Variants in TAF1 observed in about 807,000 individuals in gnomAD.
TAF1 encodes transcription initiation factor TFIID subunit 1.
Under a neutral mutation model 138.5 loss-of-function variants are expected in TAF1, and 2 were observed. That is an observed-to-expected ratio of 0.01 (90% CI 0.01 to 0.05). The LOEUF is 0.05. Ranked by LOEUF, TAF1 falls within the 10% of genes least tolerant of loss-of-function variation. The probability of loss-of-function intolerance (pLI) is 1.00; values close to 1 mark genes in which losing one functional copy is unlikely to be tolerated. For synonymous variants in TAF1, 437 were observed against 503.2 expected (o/e 0.87, Z 1.76); for missense variants, 709 against 1,478.0 (o/e 0.48, Z 8.53).
At chrX:71,406,575 G>T in intron 25 of TAF1, 63 bp from the exon 26 acceptor site, 1 of 1,073,929 alleles carries the variant, frequency 9.3e-7, no homozygotes, top group Non-Finnish European at 1.3e-6. Context: ...AATTATAGTT[G>T]CTTTTTTTCC....
rs1460022575 is a variant in TAF1 at position 71,397,557 on chromosome X, A to G, written c.3620+91A>G. ...GAGTGCAGCGGCGTGATCTTGGCTCATTGCAACCTCCATCTCTCAGGTTCA... is the reference window on the plus strand; with the variant it reads ...GAGTGCAGCGGCGTGATCTTGGCTCGTTGCAACCTCCATCTCTCAGGTTCA... On this transcript the variant is annotated intron_variant, in intron 23 of 37. Transcript: ENST00000423759. 9 of 1,010,634 alleles carry G rather than the reference A, an allele frequency of 8.9e-6. No homozygotes were observed. The African/African-American group carries it at 9.3e-5, about 10-fold the overall frequency. 83.3% of individuals were successfully genotyped at this position (1,010,634 alleles called of 1,213,427 possible).
At chrX:71,470,059 A>T (rs1290379273), downstream of TAF1, among the ~76,000 whole-genome samples, 1 of 111,873 alleles carries the variant, frequency 8.9e-6, no homozygotes, top group Non-Finnish European at 1.9e-5. Context: ...TCTAGTTTTG[A>T]AAAATTATAT....
At chrX:71,452,172 C>T (rs755121943) in intron 32 of TAF1, among the ~76,000 whole-genome samples, 1 of 108,929 alleles carries the variant, frequency 9.2e-6, no homozygotes, top group East Asian at 3.0e-4. Flanking sequence ...ACCCCCCCAC[C>T]TCCCTCCTGG....
chrX:71,460,585 A>T lies in TAF1; in HGVS notation c.5222-41A>T, dbSNP rs776674089. 3.3e-6 allele frequency: 4 copies of T among 1,196,323 alleles called. No homozygotes were observed. The South Asian group carries it at 7.3e-5, about 22-fold the overall frequency. Reference sequence around the variant, plus strand: ...GCCAAAGATCAAGTTAAATCTGTCAAGCTTAACTCTTGATGACCCAGAATC... The same window carrying T: ...GCCAAAGATCAAGTTAAATCTGTCATGCTTAACTCTTGATGACCCAGAATC... On this transcript the variant is annotated intron_variant, in intron 36 of 37. Coordinates refer to ENST00000423759, the MANE Select transcript of TAF1 (RefSeq NM_004606.5).
intron 32 of TAF1, among the ~76,000 whole-genome samples, chrX:71,439,345 C>T (rs778495185): frequency 2.7e-5 from 3 of 111,383 alleles, no homozygotes; most frequent in South Asian, 7.6e-4. Context: ...TCCAGTATGT[C>T]ACTAAAGTTC....
At chrX:71,471,332 A>AAT (rs1556018472) in intron 13 of TAF1, among the ~76,000 whole-genome samples, 72 of 99,032 alleles carry the variant, frequency 7.3e-4, no homozygotes, top group East Asian at 1.9e-3. Context: ...AAAAAAAAAA[A>AAT]ATATATATAT....
intron 13 of TAF1, among the ~76,000 whole-genome samples, chrX:71,483,248 A>G (rs2039104374): frequency 1.0e-5 from 1 of 98,543 alleles, no homozygotes; most frequent in Non-Finnish European, 2.0e-5. Flanking sequence ...TCAGCCTCCC[A>G]AAGTGCTGGG....
intron 32 of TAF1, 117 bp downstream of exon 32, chrX:71,424,355 C>T (rs2036494147): frequency 2.1e-6 from 1 of 480,910 alleles, no homozygotes; most frequent in Non-Finnish European, 3.3e-6. Context: ...CTTACCCAGG[C>T]TGGATGCTGT....
chrX:71,389,292 G>A (rs1476968341), intron 17 of TAF1, among the ~76,000 whole-genome samples: 1 of 111,914 alleles, frequency 8.9e-6, no homozygotes, highest in African/African-American at 3.2e-5. Flanking sequence ...TCCAGCTGAG[G>A]TGTGACAGCA....
chrX:71,494,595 G>T (rs1364986520), intron 13 of TAF1, among the ~76,000 whole-genome samples: 2 of 112,052 alleles, frequency 1.8e-5, no homozygotes, highest in East Asian at 5.6e-4. Context: ...TATCCTGGAA[G>T]TATATCTTTC....
intron 32 of TAF1, among the ~76,000 whole-genome samples, chrX:71,431,380 C>T (rs1189223172): frequency 4.5e-5 from 5 of 110,238 alleles, no homozygotes; most frequent in Non-Finnish European, 9.5e-5. Context: ...AGAATTTATA[C>T]TATAAATATG....
intron 13 of TAF1, among the ~76,000 whole-genome samples, chrX:71,480,287 C>T (rs756513926): frequency 7.3e-5 from 8 of 109,343 alleles, no homozygotes; most frequent in South Asian, 3.9e-4. Context: ...CCCAGCTACT[C>T]GGGAGGCTGA....
chrX:71,435,286 C>T (rs1569344255), intron 32 of TAF1, among the ~76,000 whole-genome samples: 1 of 112,293 alleles, frequency 8.9e-6, no homozygotes, highest in African/African-American at 3.2e-5. Context: ...ATCTCCCAAC[C>T]TTTTGTGGGC....
At chrX:71,384,396 C>T (rs956071796) in intron 13 of TAF1, among the ~76,000 whole-genome samples, 3 of 109,157 alleles carry the variant, frequency 2.7e-5, no homozygotes, top group African/African-American at 6.6e-5. Flanking sequence ...TCTCAAAATT[C>T]GAAATCAAAA....
At chrX:71,422,409 G>A (rs1024516991) in intron 29 of TAF1, among the ~76,000 whole-genome samples, 8 of 106,033 alleles carry the variant, frequency 7.5e-5, no homozygotes, top group Admixed American at 1.0e-4. Flanking sequence ...TGCAACCTCC[G>A]CCTCCTGGGT....
intron 7 of TAF1, 58 bp from the exon 8 acceptor site, chrX:71,378,766 G>A: frequency 6.2e-6 from 7 of 1,127,571 alleles, no homozygotes; most frequent in Non-Finnish European, 8.5e-6. Context: ...GGAATTTGGA[G>A]TGGAAACCTT....
chrX:71,406,868 G>T, intron 26 of TAF1, 122 bp downstream of exon 26: 1 of 439,868 alleles, frequency 2.3e-6, no homozygotes, highest in Non-Finnish European at 3.6e-6. Flanking sequence ...TATTTGTACT[G>T]TTCATTATAA....
At chrX:71,398,347 A>AG in intron 23 of TAF1, among the ~76,000 whole-genome samples, 1 of 110,974 alleles carries the variant, frequency 9.0e-6, no homozygotes, top group Non-Finnish European at 1.9e-5. Context: ...CAAGAAAGAA[A>AG]AAAAAAAAAA....
chrX:71,525,369 G>A (rs757588900), intron 13 of TAF1, among the ~76,000 whole-genome samples: 4 of 112,226 alleles, frequency 3.6e-5, no homozygotes, highest in African/African-American at 1.3e-4. Flanking sequence ...TGAGGGTAGA[G>A]ATAGGAAAAC....
Sources: gnomAD v4.1 joint callset for allele counts (sites outside exome capture counted in the v4.1 genomes callset) on GRCh38, gnomAD v4.1.1 for gene constraint, MANE v1.5 for transcripts, NCBI Gene and HGNC (gene_info 2026-07-23, HGNC 2026-07-21) for gene names.